PREP: variants seen among roughly 807,000 people sequenced by gnomAD.
PREP encodes the protein prolyl endopeptidase, also known as dJ355L5.1 (prolyl endopeptidase).
PREP carries 29 observed loss-of-function variants against 87.6 expected under a neutral mutation model. The observed-to-expected ratio is 0.33, with a 90% CI of 0.25 to 0.45. The LOEUF (loss-of-function observed/expected upper bound fraction) is 0.45. Ranked by LOEUF, PREP falls within the 20% of genes least tolerant of loss-of-function variation. The pLI, the probability that PREP is intolerant of heterozygous loss-of-function variation, is 1.00. For synonymous variants in PREP, 337 were observed against 328.6 expected, an observed-to-expected ratio of 1.03 and a Z score of -0.28; for missense variants, 695 against 886.5, an observed-to-expected ratio of 0.78 and a Z score of 2.74.
chr6:105,376,018 AT>A, intron 4 of PREP, 106 bp downstream of exon 4: 1 of 1,340,856 alleles, frequency 7.5e-7, no homozygotes, highest in Non-Finnish European at 1.0e-6. Context: ...GTTCCACAAT[AT>A]GGTCCACACC....
chr6:105,287,503 AG>A (rs1770212424), intron 11 of PREP, among the ~76,000 whole-genome samples: 1 of 152,214 alleles, frequency 6.6e-6, no homozygotes, highest in East Asian at 1.9e-4. Flanking sequence ...CAGATATTCG[AG>A]GTCTACAATT....
At chr6:105,345,946 G>C (rs1771785491) in intron 7 of PREP, among the ~76,000 whole-genome samples, 1 of 152,192 alleles carries the variant, frequency 6.6e-6, no homozygotes. Flanking sequence ...CAGTGTTCAA[G>C]TGACAAAAGT....
chr6:105,278,755 T>C lies in PREP; in HGVS notation c.1839-317A>G, dbSNP rs574209674. ...TTTCATATTCTCTAGGCTTTTTTTTTACTGCTACAAAGTGGAGTAATAATT... is the reference window on the plus strand; with the variant it reads ...TTTCATATTCTCTAGGCTTTTTTTTCACTGCTACAAAGTGGAGTAATAATT... On this transcript the variant is annotated intron_variant, in intron 14 of 14. Transcript: ENST00000652536. The surrounding 1 kb of genome is among the most constrained non-coding windows in gnomAD (Gnocchi z 4.2). Among the ~76,000 whole-genome samples, 52 of 152,028 alleles carry C rather than the reference T, an allele frequency of 3.4e-4. No individual in the cohort carries two copies. The highest frequency in any genetic ancestry group is 6.0e-4 in the Non-Finnish European group (41 of 67,996).
chr6:105,277,543 C>CAA lies in PREP; in HGVS notation c.*599_*600dup, dbSNP rs1769970868. Reference sequence around the variant, plus strand: ...TGACAGCTTCATCACCTCTAACAAACAAACAAACAAGGGAGACAGAGTGGA... The same window carrying CAA: ...TGACAGCTTCATCACCTCTAACAAACAAAAACAAACAAGGGAGACAGAGTGGA... On this transcript the variant is annotated 3_prime_UTR_variant, in exon 15 of 15. Transcript: ENST00000652536. The CAA allele has an allele frequency of 6.6e-6, 1 of 152,630 alleles. No homozygotes were observed. The highest frequency in any genetic ancestry group is 2.1e-4 in the South Asian group (1 of 4,856). 9.5% of individuals were successfully genotyped at this position (152,630 alleles called of 1,614,324 possible).
chr6:105,296,332 A>G (rs1030303776), intron 10 of PREP, among the ~76,000 whole-genome samples: 1 of 150,650 alleles, frequency 6.6e-6, no homozygotes, highest in African/African-American at 2.4e-5. Flanking sequence ...ATTGAAGGGT[A>G]GTAACCTTTT....
rs551706026 is a variant in PREP at position 105,287,995 on chromosome 6, G to C, written c.1454+763C>G. Among the ~76,000 whole-genome samples the C allele has an allele frequency of 2.6e-5, 4 of 152,284 alleles. 1 individual carries two copies. In the South Asian group the frequency reaches 8.3e-4, roughly 32 times the overall value. On this transcript the variant is annotated intron_variant, in intron 11 of 14. Transcript: ENST00000652536. ...ATAGTCTAAAATAGATGATGTAACA[G>C]AGTATACAGAAAACATTTATGGCTG...
Position 105,328,931 on chromosome 6 carries a change from G to C in PREP, c.1111C>G (p.Leu371Val). ...ACATCGAGCGGGAAGGTCTTAAGGA[G>C]AGCACCAGTAGTCAGGTCATGGAGC... is the stretch of plus-strand genomic sequence containing the variant. ...LQLHDLTTGALLKTFPLDVGS... is the reference protein window; with the variant it reads ...LQLHDLTTGAVLKTFPLDVGS... Residue 371 changes from leucine (L) to valine (V), a missense_variant, in exon 9 of 15, where the codon CTC (leucine) becomes GTC (valine). Physicochemically the swap from Leu to Val is conservative, Grantham distance 32 (BLOSUM62 1). Around this residue, in one of 5 missense-constraint regions of PREP, gnomAD observed 517 missense variants for 620.3 expected, o/e 0.83. Transcript: ENST00000652536. 1 of 1,614,178 alleles carries C rather than the reference G, an allele frequency of 6.2e-7. No individual in the cohort carries two copies. The highest frequency in any genetic ancestry group is 8.5e-7 in the Non-Finnish European group (1 of 1,180,040).
intron 10 of PREP, among the ~76,000 whole-genome samples, chr6:105,316,498 C>G (rs375330846): frequency 3.3e-5 from 5 of 152,178 alleles, no homozygotes; most frequent in African/African-American, 1.2e-4. Flanking sequence ...GTGACAGACA[C>G]GAACTGAGCA....
At chr6:105,392,043 CTTT>C (rs201604035) in intron 2 of PREP, among the ~76,000 whole-genome samples, 10 of 123,234 alleles carry the variant, frequency 8.1e-5, no homozygotes, top group Admixed American at 2.5e-4. Flanking sequence ...GTCTTCAAAT[CTTT>C]TTTTTTTTTT....
At position 105,357,774 on chromosome 6, in the gene PREP, T is replaced by C. The variant is rs140960717; in HGVS notation, c.718-4697A>G. ...GAGGGGAAGACATAAATCCTGTTGA[T>C]GTGGAGGGCATGTGACTGTGAACAG... On this transcript the variant is annotated intron_variant, in intron 6 of 14. Coordinates refer to ENST00000652536, the MANE Select transcript of PREP (RefSeq NM_002726.5). Among the ~76,000 whole-genome samples, 1,459 of 152,272 alleles carry C rather than the reference T, an allele frequency of 9.6e-3. 23 individuals are homozygous for C. The highest frequency in any genetic ancestry group is 0.033 in the African/African-American group (1,376 of 41,542).
At chr6:105,333,712 G>A (rs1159706025) in intron 7 of PREP, among the ~76,000 whole-genome samples, 1 of 152,028 alleles carries the variant, frequency 6.6e-6, no homozygotes, top group Non-Finnish European at 1.5e-5. Context: ...GCAAGGACGG[G>A]GGAATGAAGG....
intron 10 of PREP, among the ~76,000 whole-genome samples, chr6:105,316,959 A>T (rs1562196903): frequency 2.9e-5 from 4 of 139,630 alleles, no homozygotes; most frequent in South Asian, 2.3e-4. Flanking sequence ...AGTCTAATTA[A>T]TTTTTTTTTT....
chr6:105,389,873 C>T (rs1040078174), intron 2 of PREP, among the ~76,000 whole-genome samples: 3 of 152,110 alleles, frequency 2.0e-5, no homozygotes, highest in African/African-American at 7.2e-5. Flanking sequence ...TTAAGGTTAA[C>T]CCCAGAGACC....
At chr6:105,323,238 C>T (rs1771060884) in intron 10 of PREP, 1 of 772,338 alleles carries the variant, frequency 1.3e-6, no homozygotes, top group Non-Finnish European at 1.9e-6. Context: ...CTGTGTCATG[C>T]AGAAATGCAC....
At chr6:105,385,283 T>TAAA (rs11354337) in intron 2 of PREP, among the ~76,000 whole-genome samples, 4 of 122,648 alleles carry the variant, frequency 3.3e-5, no homozygotes, top group Admixed American at 1.7e-4. Flanking sequence ...AGATCTGCTT[T>TAAA]AAAAAAAAAA....
chr6:105,369,510 CAGA>C (rs1355649701), intron 5 of PREP, among the ~76,000 whole-genome samples: 1 of 152,132 alleles, frequency 6.6e-6, no homozygotes, highest in East Asian at 1.9e-4. Context: ...CAATACAATA[CAGA>C]AGGAGAACAA....
intron 2 of PREP, among the ~76,000 whole-genome samples, chr6:105,382,522 C>G (rs921651743): frequency 1.3e-5 from 2 of 152,084 alleles, no homozygotes; most frequent in African/African-American, 4.8e-5. Flanking sequence ...ATTAAAAATA[C>G]TGTTCACTTA....
At chr6:105,374,635 TATATATATATATA>T (rs1772640343) in intron 4 of PREP, among the ~76,000 whole-genome samples, 1 of 226 alleles carries the variant, frequency 4.4e-3, no homozygotes, top group Non-Finnish European at 0.015. Flanking sequence ...GAATTGTTTA[TATATATATATATA>T]TATATATATA....
intron 6 of PREP, among the ~76,000 whole-genome samples, chr6:105,361,040 C>A (rs1772235764): frequency 6.6e-6 from 1 of 152,064 alleles, no homozygotes; most frequent in South Asian, 2.1e-4. Flanking sequence ...ATATGGAATT[C>A]TCTGGAAAAT....
Sources: allele counts gnomAD v4.1 joint callset (sites outside exome capture counted in the v4.1 genomes callset), GRCh38; gene constraint gnomAD v4.1.1; regional missense constraint gnomAD v4.1.1; non-coding constraint Gnocchi (gnomAD v3.1); transcripts MANE v1.5; gene names NCBI Gene and HGNC (gene_info 2026-07-23, HGNC 2026-07-21).